Variants in SHROOM3 observed in about 807,000 individuals in gnomAD.
SHROOM3 encodes protein Shroom3.
Under a neutral mutation model 138.6 loss-of-function variants are expected in SHROOM3, and 47 were observed. The ratio of observed to expected loss-of-function variants is 0.34; its 90% CI spans 0.27 to 0.43. SHROOM3 has a LOEUF of 0.43. SHROOM3 is among the 20% of genes least tolerant of loss of function. SHROOM3 has a pLI of 1.00. For missense variants in SHROOM3, 2,491 were observed against 2,596.5 expected, an observed-to-expected ratio of 0.96 and a Z score of 0.88; for synonymous variants, 1,062 against 1,063.3, an observed-to-expected ratio of 1.00 and a Z score of 0.02.
rs1734691678 is a variant in SHROOM3 at position 76,608,668 on chromosome 4, C to CATAGCAT, written c.323+52906_323+52907insTAGCATA. Among the ~76,000 whole-genome samples the CATAGCAT allele has an allele frequency of 2.7e-3, 259 of 94,376 alleles. 18 individuals are homozygous for CATAGCAT. The highest frequency in any genetic ancestry group is 8.7e-3 in the African/African-American group (249 of 28,512). The allele number at this position is 94,376 out of a possible 152,430, so 61.9% of individuals were successfully genotyped here. A position where few individuals can be genotyped will look rare whatever the true frequency, so the allele number is the denominator to read the frequency against. On this transcript the variant is annotated intron_variant, in intron 2 of 10. Coordinates refer to ENST00000296043, the MANE Select transcript of SHROOM3 (RefSeq NM_020859.4). ...TAGCATAGCATAGCATAGCATAGCACAGCATAGCACAGCACAGCACAGCAC... is the reference window on the plus strand; with the variant it reads ...TAGCATAGCATAGCATAGCATAGCACATAGCATAGCATAGCACAGCACAGCACAGCAC...
chr4:76,539,793 A>G lies in SHROOM3; in HGVS notation c.169-15816A>G, dbSNP rs190127387. On this transcript the variant is annotated intron_variant, in intron 1 of 10. Transcript: ENST00000296043. ...ATATGGCCTCTAATGTAAGACAAGT[A>G]AACAAATTGTGTGGGGGTTGCAAGT... 5.3e-5 allele frequency among the ~76,000 whole-genome samples: 8 copies of G among 152,332 alleles called. No individual in the cohort carries two copies. The East Asian group carries it at 1.4e-3, about 26-fold the overall frequency.
intron 1 of SHROOM3, among the ~76,000 whole-genome samples, chr4:76,442,608 A>G (rs1205990383): frequency 1.3e-5 from 2 of 151,686 alleles, no homozygotes; most frequent in Non-Finnish European, 2.9e-5. Context: ...ATAGGGTTTC[A>G]CCGTGTTAGC....
At chr4:76,765,643 G>A (rs186601345) in intron 9 of SHROOM3, among the ~76,000 whole-genome samples, 1 of 152,272 alleles carries the variant, frequency 6.6e-6, no homozygotes, top group East Asian at 1.9e-4. Context: ...CGTTACTGGC[G>A]ATGTGGTCTT....
At chr4:76,497,690 T>C (rs974544248) in intron 1 of SHROOM3, among the ~76,000 whole-genome samples, 2 of 152,092 alleles carry the variant, frequency 1.3e-5, no homozygotes, top group African/African-American at 4.8e-5. Flanking sequence ...AAACCCTGTC[T>C]CTACTAAAAA....
chr4:76,523,334 TTTCCAAG>T (rs1362989509), intron 1 of SHROOM3, among the ~76,000 whole-genome samples: 1 of 152,208 alleles, frequency 6.6e-6, no homozygotes, highest in Non-Finnish European at 1.5e-5. Context: ...AAAGACCCAA[TTTCCAAG>T]TAAGGCTGTA....
intron 2 of SHROOM3, among the ~76,000 whole-genome samples, chr4:76,641,737 G>A (rs926152207): frequency 6.6e-6 from 1 of 152,150 alleles, no homozygotes; most frequent in African/African-American, 2.4e-5. Flanking sequence ...TCTAGGAAAG[G>A]CTCACCAAAC....
chr4:76,545,767 A>T (rs1485742508), intron 1 of SHROOM3, among the ~76,000 whole-genome samples: 2 of 152,158 alleles, frequency 1.3e-5, no homozygotes, highest in Non-Finnish European at 2.9e-5. Context: ...CACCAACCCT[A>T]TGTGGTTAGT....
chr4:76,509,130 A>T (rs1236457250), intron 1 of SHROOM3, among the ~76,000 whole-genome samples: 1 of 152,150 alleles, frequency 6.6e-6, no homozygotes, highest in Non-Finnish European at 1.5e-5. Flanking sequence ...AAACCATAGC[A>T]ATATGTTTTG....
At chr4:76,663,775 G>T (rs1233894973) in intron 2 of SHROOM3, among the ~76,000 whole-genome samples, 1 of 152,166 alleles carries the variant, frequency 6.6e-6, no homozygotes, top group Non-Finnish European at 1.5e-5. Context: ...GGATTTTTCT[G>T]AAAAGTTGGG....
chr4:76,575,792 CA>C (rs1002826263), intron 2 of SHROOM3, among the ~76,000 whole-genome samples: 5 of 151,932 alleles, frequency 3.3e-5, no homozygotes, highest in African/African-American at 1.2e-4. Context: ...GAAGAAGATA[CA>C]AAAAATGGAA....
At chr4:76,544,718 CT>C (rs1553921998) in intron 1 of SHROOM3, among the ~76,000 whole-genome samples, 6 of 152,082 alleles carry the variant, frequency 3.9e-5, no homozygotes, top group Non-Finnish European at 8.8e-5. Context: ...TATATATTGC[CT>C]CTTTTGAGAG....
At chr4:76,496,462 T>G (rs994775718) in intron 1 of SHROOM3, among the ~76,000 whole-genome samples, 5 of 152,210 alleles carry the variant, frequency 3.3e-5, no homozygotes, top group Admixed American at 1.3e-4. Context: ...TGTGGTGGTA[T>G]AGAAACCAAA....
At chr4:76,557,226 T>TACACACACACACACACACACACACACAC (rs35294663) in intron 2 of SHROOM3, among the ~76,000 whole-genome samples, 3 of 142,020 alleles carry the variant, frequency 2.1e-5, no homozygotes, top group Non-Finnish European at 4.6e-5. Flanking sequence ...TGTTTATGTA[T>TACACACACACACACACACACACACACAC]ACACACACAC....
chr4:76,690,070 T>G (rs1161006455), intron 2 of SHROOM3, among the ~76,000 whole-genome samples: 1 of 152,192 alleles, frequency 6.6e-6, no homozygotes, highest in Non-Finnish European at 1.5e-5. Context: ...CTTTCTTAAT[T>G]TTACTGGATT....
At chr4:76,599,916 C>A (rs1246453144) in intron 2 of SHROOM3, among the ~76,000 whole-genome samples, 1 of 152,196 alleles carries the variant, frequency 6.6e-6, no homozygotes, top group East Asian at 1.9e-4. Context: ...GGAATCCCAG[C>A]ACTTTGGGAG....
At chr4:76,590,232 T>G (rs1056361165) in intron 2 of SHROOM3, among the ~76,000 whole-genome samples, 1 of 152,150 alleles carries the variant, frequency 6.6e-6, no homozygotes, top group South Asian at 2.1e-4. Context: ...GAAGCCTAAA[T>G]TGAGGACAGC....
chr4:76,514,792 GA>G (rs980819550), intron 1 of SHROOM3, among the ~76,000 whole-genome samples: 1 of 152,100 alleles, frequency 6.6e-6, no homozygotes, highest in African/African-American at 2.4e-5. Context: ...AGACAACGAG[GA>G]AAGATGGAAG....
At chr4:76,439,321 A>G (rs1419643972) in intron 1 of SHROOM3, among the ~76,000 whole-genome samples, 4 of 152,092 alleles carry the variant, frequency 2.6e-5, no homozygotes, top group Non-Finnish European at 4.4e-5. Flanking sequence ...ATCCTGGATA[A>G]TCTCTCTATT....
chr4:76,599,024 G>A (rs1045886429), intron 2 of SHROOM3, among the ~76,000 whole-genome samples: 5 of 152,124 alleles, frequency 3.3e-5, no homozygotes, highest in Non-Finnish European at 5.9e-5. Flanking sequence ...ATATCCAGAA[G>A]GTACAGCAGG....
Sources: allele counts gnomAD v4.1 joint callset (sites outside exome capture counted in the v4.1 genomes callset), GRCh38; gene constraint gnomAD v4.1.1; transcripts MANE v1.5; gene names NCBI Gene and HGNC (gene_info 2026-07-23, HGNC 2026-07-21).